The following GLI2 variants were observed in gnomAD, a reference collection of about 807,000 sequenced individuals.
GLI2 encodes GLI family zinc finger 2.
GLI2 carries 22 observed loss-of-function variants against 78.9 expected under a neutral mutation model. That is an observed-to-expected ratio of 0.28 (90% CI 0.20 to 0.40). The LOEUF (loss-of-function observed/expected upper bound fraction) is 0.40, where lower values mean the gene tolerates loss of function less well. Among genes scored for constraint, GLI2 ranks in the 10% least tolerant of loss-of-function variants. The pLI, the probability that GLI2 is intolerant of heterozygous loss-of-function variation, is 1.00. For synonymous variants in GLI2, 974 were observed against 963.7 expected (o/e 1.01, Z -0.20); for missense variants, 2,097 against 2,213.2 (o/e 0.95, Z 1.05).
chr2:120,799,472 C>A (rs1366379424), intron 2 of GLI2, among the ~76,000 whole-genome samples: 1 of 152,198 alleles, frequency 6.6e-6, no homozygotes, highest in Non-Finnish European at 1.5e-5. Context: ...ATCGCTGCTC[C>A]CTGCACCTGT....
chr2:120,896,888 G>A (rs986322773), intron 2 of GLI2, among the ~76,000 whole-genome samples: 3 of 152,194 alleles, frequency 2.0e-5, no homozygotes, highest in African/African-American at 4.8e-5. Flanking sequence ...AATGCATAGT[G>A]TGTAACAGGG....
intron 8 of GLI2, 154 bp from the exon 9 acceptor site, chr2:120,974,818 TGTG>T (rs1682369114): frequency 2.1e-6 from 2 of 940,844 alleles, no homozygotes; most frequent in Middle Eastern, 3.1e-4. Context: ...ATGCATGTGT[TGTG>T]TGTGTGCACA....
intron 2 of GLI2, among the ~76,000 whole-genome samples, chr2:120,831,850 T>C (rs1686375896): frequency 6.6e-6 from 1 of 152,204 alleles, no homozygotes; most frequent in South Asian, 2.1e-4. Context: ...ACAAAGTACC[T>C]GCGTGGAGTA....
chr2:120,937,358 C>T (rs935137647), intron 3 of GLI2, among the ~76,000 whole-genome samples: 2 of 152,128 alleles, frequency 1.3e-5, no homozygotes, highest in African/African-American at 4.8e-5. Context: ...GAATAGTGTG[C>T]ATTGCACCCA....
At chr2:120,870,604 C>A (rs1204783969) in intron 2 of GLI2, among the ~76,000 whole-genome samples, 2 of 152,150 alleles carry the variant, frequency 1.3e-5, no homozygotes, top group African/African-American at 2.4e-5. Context: ...AGCGCTGGCT[C>A]ACACCTGTGT....
At chr2:120,983,943 T>TGTGG (rs567417829) in intron 11 of GLI2, among the ~76,000 whole-genome samples, 6 of 70,780 alleles carry the variant, frequency 8.5e-5, no homozygotes, top group East Asian at 6.6e-4. Context: ...ACGTGGTGTG[T>TGTGG]GGGGTGTGTG....
At chr2:120,870,932 T>C (rs1278693222) in intron 2 of GLI2, among the ~76,000 whole-genome samples, 1 of 152,078 alleles carries the variant, frequency 6.6e-6, no homozygotes, top group Admixed American at 6.5e-5. Context: ...AAACTCAAAG[T>C]TAGATAGGAG....
rs1273307565 is a variant in GLI2 at position 120,978,461 on chromosome 2, GAGA to G, written c.1351_1353del (p.Lys451del). 6 of 1,614,100 alleles carry G rather than the reference GAGA, an allele frequency of 3.7e-6. No homozygotes were observed. Among genetic ancestry groups the G allele is most frequent in the African/African-American group, 2.7e-5 (2 of 74,950 alleles). On this transcript the variant is annotated inframe_deletion, in exon 10 of 14. Coordinates refer to ENST00000361492, the MANE Select transcript of GLI2 (RefSeq NM_001374353.1). ...CATCAACAACGAGCACATCCACGGG[GAGA>G]AGAAGGAGTTTGTGTGCCGCTGGCA...
At chr2:120,960,489 T>G (rs1275448070) in intron 5 of GLI2, among the ~76,000 whole-genome samples, 1 of 152,218 alleles carries the variant, frequency 6.6e-6, no homozygotes, top group Non-Finnish European at 1.5e-5. Context: ...CTTAGCTGAG[T>G]GCCACCTGCA....
intron 2 of GLI2, among the ~76,000 whole-genome samples, chr2:120,922,299 G>T (rs138626987): frequency 3.7e-4 from 57 of 152,314 alleles, no homozygotes; most frequent in Non-Finnish European, 6.6e-4. Flanking sequence ...GAGCGGAAGG[G>T]TCTGGGCAGG....
intron 3 of GLI2, among the ~76,000 whole-genome samples, chr2:120,941,976 C>T (rs545572296): frequency 6.6e-6 from 1 of 152,326 alleles, no homozygotes; most frequent in East Asian, 1.9e-4. Flanking sequence ...CCTTCCTCCA[C>T]CCAGCACAGG....
chr2:120,971,621 G>A (rs1169446341), intron 7 of GLI2, among the ~76,000 whole-genome samples: 1 of 152,232 alleles, frequency 6.6e-6, no homozygotes, highest in East Asian at 1.9e-4. Flanking sequence ...GCTCTGGAGG[G>A]CTGAGAAGTT....
rs762134904 is a variant in GLI2, at chr2:120,978,501, G to A, written c.1385G>A (p.Arg462Gln). 4.3e-6 allele frequency: 7 copies of A among 1,614,140 alleles called. No homozygotes were observed. The highest frequency in any genetic ancestry group is 2.2e-5 in the East Asian group (1 of 44,878). The change falls in exon 10 of 14, where the codon CGG becomes CAG. Residue 462 changes from arginine (R) to glutamine (Q), a missense_variant. By Grantham distance (43) the Arg-to-Gln change is conservative. Around this residue, in one of 5 missense-constraint regions of GLI2, gnomAD observed 104 missense variants for 190.6 expected, o/e 0.55. Coordinates refer to ENST00000361492, the MANE Select transcript of GLI2 (RefSeq NM_001374353.1). ...EFVCRWQACT[R>Q]EQKPFKAQYM... ...GTGTGCCGCTGGCAGGCCTGCACGC[G>A]GGAGCAGAAGCCCTTCAAGGCGCAG...
At position 120,799,599 on chromosome 2, in the gene GLI2, C is replaced by T. The variant is rs535432829; in HGVS notation, c.148+2131C>T. ...GTCTCCTAGTGCTGGTAAAATGCGA[C>T]GGCTGCATTCGTGGATGGGATGGGA... On this transcript the variant is annotated intron_variant, in intron 2 of 13. Transcript: ENST00000361492. 8.5e-5 allele frequency among the ~76,000 whole-genome samples: 13 copies of T among 152,348 alleles called. No homozygotes were observed. The East Asian group carries it at 9.6e-4, about 11-fold the overall frequency.
intron 2 of GLI2, among the ~76,000 whole-genome samples, chr2:120,851,477 C>T (rs1190353062): frequency 6.6e-6 from 1 of 152,246 alleles, no homozygotes; most frequent in African/African-American, 2.4e-5. Context: ...GCTTGTCTGA[C>T]ATGCAGCATG....
chr2:120,989,916 G>A lies in GLI2; in HGVS notation c.3951G>A (p.Gln1317=), dbSNP rs1683205389. ...QSHHLAASMS[Q]EGYHQVPSLL... is the part of the protein sequence containing the mutation. ...ATCACCTGGCAGCCTCCATGAGCCAGGAGGGCTACCACCAGGTCCCCAGCC... is the reference window on the plus strand; with the variant it reads ...ATCACCTGGCAGCCTCCATGAGCCAAGAGGGCTACCACCAGGTCCCCAGCC... Residue 1317 remains glutamine (Q), a synonymous_variant, in exon 14 of 14, where the codon CAG becomes CAA. Coordinates refer to ENST00000361492, the MANE Select transcript of GLI2 (RefSeq NM_001374353.1). 8.1e-6 allele frequency: 13 copies of A among 1,612,742 alleles called. No homozygotes were observed. The highest frequency in any genetic ancestry group is 2.7e-5 in the African/African-American group (2 of 75,068).
intron 2 of GLI2, among the ~76,000 whole-genome samples, chr2:120,801,230 C>T (rs1684695092): frequency 6.6e-6 from 1 of 152,220 alleles, no homozygotes; most frequent in South Asian, 2.1e-4. Flanking sequence ...CCTCTGCCTC[C>T]TGGGTTCAAG....
rs190309269 is a variant in GLI2, at chr2:120,797,482, C to T, written c.148+14C>T. 2,499 of 1,612,102 alleles carry T rather than the reference C, an allele frequency of 1.6e-3. 27 individuals carry two copies. The highest frequency in any genetic ancestry group is 6.7e-4 in the Middle Eastern group (4 of 5,930). ...CTGCCCAAGGAGGTACTTTCTGTTTCGCACACTTGGAGGGCAGCAGGGGTG... is the reference window on the plus strand; with the variant it reads ...CTGCCCAAGGAGGTACTTTCTGTTTTGCACACTTGGAGGGCAGCAGGGGTG... On this transcript the variant is annotated intron_variant, in intron 2 of 13. Coordinates refer to ENST00000361492, the MANE Select transcript of GLI2 (RefSeq NM_001374353.1).
intron 6 of GLI2, among the ~76,000 whole-genome samples, chr2:120,969,401 C>T (rs1288942053): frequency 4.6e-5 from 7 of 152,222 alleles, no homozygotes; most frequent in African/African-American, 1.4e-4. Context: ...AGGACTCAGA[C>T]CCCAGCCAGC....
Sources: allele counts gnomAD v4.1 joint callset (sites outside exome capture counted in the v4.1 genomes callset), GRCh38; gene constraint gnomAD v4.1.1; regional missense constraint gnomAD v4.1.1; transcripts MANE v1.5; gene names NCBI Gene and HGNC (gene_info 2026-07-23, HGNC 2026-07-21).